The following LNX1 variants were observed in gnomAD, a reference collection of about 807,000 sequenced individuals.
The protein encoded by LNX1 is ligand of numb-protein X 1.
A neutral mutation model predicts 68.4 loss-of-function variants in LNX1; 54 were observed. The observed-to-expected ratio is 0.79, with a 90% confidence interval of 0.63 to 0.99. The LOEUF is 0.99. Among genes scored for constraint, LNX1 ranks in the 50% least tolerant of loss-of-function variants. The pLI is 0.00. For missense variants in LNX1, 906 were observed against 926.4 expected, an observed-to-expected ratio of 0.98 and a Z score of 0.29; for synonymous variants, 336 against 350.0, an observed-to-expected ratio of 0.96 and a Z score of 0.45.
At chr4:53,504,966 T>G (rs922908177) in intron 4 of LNX1, among the ~76,000 whole-genome samples, 1 of 152,192 alleles carries the variant, frequency 6.6e-6, no homozygotes, top group African/African-American at 2.4e-5. Context: ...AAGTTTGAGA[T>G]GCTGCAAGAA....
intron 2 of LNX1, among the ~76,000 whole-genome samples, chr4:53,517,961 A>G (rs1229135418): frequency 6.6e-6 from 1 of 152,092 alleles, no homozygotes; most frequent in South Asian, 2.1e-4. Flanking sequence ...TTTACCACCA[A>G]CCACACACGG....
Position 53,590,119 on chromosome 4 carries a change from AG to A in LNX1, c.-87+1268del, listed in dbSNP as rs1294746247. 3.3e-5 allele frequency among the ~76,000 whole-genome samples: 5 copies of A among 152,310 alleles called. No individual in the cohort carries two copies. In the East Asian group the frequency reaches 9.6e-4, roughly 29 times the overall value. The stretch of plus-strand genomic sequence containing the variant: ...CAAGCTTGGGGAAAATAATAAACAA[AG>A]GTCAGTTAAGGAAGAACAATAGGGA... On this transcript the variant is annotated intron_variant, in intron 1 of 10. Coordinates refer to ENST00000263925, the MANE Select transcript of LNX1 (RefSeq NM_001126328.3).
intron 9 of LNX1, among the ~76,000 whole-genome samples, chr4:53,469,530 C>G (rs926648040): frequency 2.6e-5 from 4 of 151,998 alleles, no homozygotes; most frequent in African/African-American, 7.2e-5. Flanking sequence ...AAAAACCCTT[C>G]AAAAAATCAA....
intron 10 of LNX1, among the ~76,000 whole-genome samples, 188 bp downstream of exon 10, chr4:53,461,247 G>A (rs1302199396): frequency 6.6e-6 from 1 of 152,050 alleles, no homozygotes; most frequent in Non-Finnish European, 1.5e-5. Flanking sequence ...CTAAAAGTAT[G>A]GGGAGTTGTA....
At chr4:53,575,749 C>T in intron 1 of LNX1, 1 of 1,547,892 alleles carries the variant, frequency 6.5e-7, no homozygotes, top group Non-Finnish European at 8.7e-7. Context: ...TGTATTGCAT[C>T]ATCCTGGTGG....
intron 2 of LNX1, among the ~76,000 whole-genome samples, chr4:53,521,410 G>C (rs1560643433): frequency 6.6e-6 from 1 of 152,110 alleles, no homozygotes; most frequent in Non-Finnish European, 1.5e-5. Flanking sequence ...AGATATCTCC[G>C]AGTTTGCCCA....
At chr4:53,573,571 C>CA (rs1731297782) in intron 2 of LNX1, 52 bp downstream of exon 2, 3 of 1,322,282 alleles carry the variant, frequency 2.3e-6, no homozygotes, top group Non-Finnish European at 3.2e-6. Flanking sequence ...TGGAGGGGTC[C>CA]AGCTGTCCCG....
chr4:53,599,797 C>T (rs1335038708), intron 2 of LNX1, among the ~76,000 whole-genome samples: 1 of 152,186 alleles, frequency 6.6e-6, no homozygotes, highest in East Asian at 1.9e-4. Flanking sequence ...CCCGAGAAAA[C>T]CTATACCTCT....
chr4:53,471,166 G>A lies in LNX1; in HGVS notation c.1892+5587C>T, dbSNP rs751517607. Among the ~76,000 whole-genome samples the A allele has an allele frequency of 6.4e-4, 97 of 150,416 alleles. No individual in the cohort carries two copies. The Middle Eastern group carries it at 0.01, about 16-fold the overall frequency. ...AGATATAGACCAATGGAACAGAACG[G>A]AGCCCTCAGAAATAATGCCGCATAT... is the stretch of plus-strand genomic sequence containing the variant. On this transcript the variant is annotated intron_variant, in intron 9 of 10. Coordinates refer to ENST00000263925, the MANE Select transcript of LNX1 (RefSeq NM_001126328.3).
intron 9 of LNX1, among the ~76,000 whole-genome samples, chr4:53,470,076 A>G (rs1460755856): frequency 1.3e-5 from 2 of 152,178 alleles, no homozygotes; most frequent in African/African-American, 4.8e-5. Flanking sequence ...GATGAACACC[A>G]ATGCAAAAAT....
intron 2 of LNX1, among the ~76,000 whole-genome samples, chr4:53,536,569 C>G (rs1005330351): frequency 6.6e-6 from 1 of 152,224 alleles, no homozygotes; most frequent in African/African-American, 2.4e-5. Flanking sequence ...GATTTACCAG[C>G]TCTGGACCAG....
upstream of LNX1, among the ~76,000 whole-genome samples, chr4:53,622,226 G>T (rs527548268): frequency 3.1e-4 from 47 of 152,294 alleles, no homozygotes; most frequent in Admixed American, 3.1e-3. Flanking sequence ...TCATATGCCA[G>T]GAAAAGTGGA....
At chr4:53,646,820 C>T (rs867974559) in intron 1 of LNX1, among the ~76,000 whole-genome samples, 10 of 152,344 alleles carry the variant, frequency 6.6e-5, no homozygotes, top group Middle Eastern at 3.4e-3. Flanking sequence ...ATCTGTTTCA[C>T]GTTTTACAAA....
intron 2 of LNX1, among the ~76,000 whole-genome samples, chr4:53,510,313 ATCT>A (rs1352091247): frequency 1.3e-5 from 2 of 152,236 alleles, no homozygotes; most frequent in Admixed American, 6.5e-5. Context: ...TTAAAATGTC[ATCT>A]TCTTTGCTGT....
intron 1 of LNX1, among the ~76,000 whole-genome samples, chr4:53,587,877 C>T (rs73250972): frequency 0.05 from 7,678 of 152,248 alleles, 239 homozygotes; most frequent in Middle Eastern, 0.099. Flanking sequence ...TTTCCACTGG[C>T]AGCCACTCTA....
chr4:53,639,530 G>T (rs373707026), intron 1 of LNX1, among the ~76,000 whole-genome samples: 5 of 152,040 alleles, frequency 3.3e-5, no homozygotes, highest in Admixed American at 2.6e-4. Context: ...AAACAGAAAC[G>T]TACATTAAAC....
At chr4:53,536,376 C>T (rs1412862267) in intron 2 of LNX1, among the ~76,000 whole-genome samples, 3 of 152,100 alleles carry the variant, frequency 2.0e-5, no homozygotes, top group African/African-American at 7.2e-5. Flanking sequence ...CAGTCAAAGT[C>T]GTTCCCTAAG....
chr4:53,639,087 GC>G (rs1487882266), intron 1 of LNX1, among the ~76,000 whole-genome samples: 2 of 152,162 alleles, frequency 1.3e-5, no homozygotes, highest in African/African-American at 2.4e-5. Flanking sequence ...CAACCTAGGT[GC>G]CAATCAATGG....
chr4:53,481,781 G>A lies in LNX1; in HGVS notation c.1424C>T (p.Ala475Val), dbSNP rs200384757. 1.4e-5 allele frequency: 22 copies of A among 1,613,652 alleles called. No homozygotes were observed. The East Asian group carries it at 4.9e-4, about 36-fold the overall frequency. Residue 475 changes from alanine (A) to valine (V), a missense_variant, in exon 7 of 11, where the codon GCC becomes GTC. By Grantham distance (64) the Ala-to-Val change is moderately conservative. Transcript: ENST00000263925. Reference sequence around the variant, plus strand: ...CCAGCTGCCATTGCTGTTCCAGCCGGCTTCCTGAAAGATGTCAGGGCTCCG... The same window carrying A: ...CCAGCTGCCATTGCTGTTCCAGCCGACTTCCTGAAAGATGTCAGGGCTCCG... ...RQRSPDIFQE[A>V]GWNSNGSWSP...
Sources: allele counts gnomAD v4.1 joint callset (sites outside exome capture counted in the v4.1 genomes callset), GRCh38; gene constraint gnomAD v4.1.1; transcripts MANE v1.5; gene names NCBI Gene and HGNC (gene_info 2026-07-23, HGNC 2026-07-21).